ERCC8: variants seen among roughly 807,000 people sequenced by gnomAD.
The protein encoded by ERCC8 is ERCC excision repair 8, CSA ubiquitin ligase complex subunit, also known as DNA excision repair protein ERCC-8.
ERCC8 carries 52 observed loss-of-function variants against 54.9 expected under a neutral mutation model. That is an observed-to-expected ratio of 0.95 (90% CI 0.76 to 1.19). ERCC8 has a LOEUF of 1.19. Ranked by LOEUF, ERCC8 falls within the 50% of genes most tolerant of loss-of-function variation. The probability of loss-of-function intolerance (pLI) is 0.00; values close to 1 mark genes in which losing one functional copy is unlikely to be tolerated. For missense variants in ERCC8, 514 were observed against 466.1 expected (o/e 1.10, Z -0.95); for synonymous variants, 146 against 157.2 (o/e 0.93, Z 0.53).
intron 3 of ERCC8, among the ~76,000 whole-genome samples, chr5:60,921,538 T>C (rs979757339): frequency 5.3e-5 from 8 of 152,132 alleles, no homozygotes; most frequent in Middle Eastern, 3.4e-3. Context: ...ATTACAGATG[T>C]ATGTTTTTAA....
In ERCC8 at chr5:60,928,892, G is replaced by A; in HGVS notation, c.145C>T (p.Leu49Phe). Residue 49 changes from leucine (L) to phenylalanine (F), a missense_variant, in exon 2 of 12, where the codon CTT (leucine) becomes TTT (phenylalanine). Physicochemically the swap from Leu to Phe is conservative, Grantham distance 22. Coordinates refer to ENST00000676185, the MANE Select transcript of ERCC8 (RefSeq NM_000082.4). ...CTCCCTTCAACAGGTTCAATGTCAA[G>A]GGTGTTAATTCCACCGCCGTGGATT... ...ERIHGGGINT[L>F]DIEPVEGRYM... 1 of 1,604,628 alleles carries A rather than the reference G, an allele frequency of 6.2e-7. No individual in the cohort carries two copies. Among genetic ancestry groups the A allele is most frequent in the South Asian group, 1.1e-5 (1 of 90,620 alleles).
At chr5:60,930,228 G>A (rs1335482532) in intron 1 of ERCC8, among the ~76,000 whole-genome samples, 1 of 152,050 alleles carries the variant, frequency 6.6e-6, no homozygotes, top group South Asian at 2.1e-4. Flanking sequence ...TGAGGAGTTC[G>A]AGACCAGCCT....
chr5:60,882,633 A>T (rs1748270446), intron 11 of ERCC8, among the ~76,000 whole-genome samples: 1 of 151,456 alleles, frequency 6.6e-6, no homozygotes, highest in Non-Finnish European at 1.5e-5. Flanking sequence ...GTGATCTGCC[A>T]GCCTTGGCCT....
intron 9 of ERCC8, chr5:60,893,194 C>T (rs534688334): frequency 3.1e-6 from 3 of 973,882 alleles, no homozygotes; most frequent in South Asian, 2.6e-5. Context: ...TCCAGAATCA[C>T]ATCAGAGTAT....
chr5:60,921,169 A>C (rs1305727325), intron 3 of ERCC8, among the ~76,000 whole-genome samples: 2 of 151,988 alleles, frequency 1.3e-5, no homozygotes, highest in African/African-American at 2.4e-5. Context: ...AATAATGTGA[A>C]GCTGAGATTA....
intron 9 of ERCC8, chr5:60,892,257 T>C: frequency 1.8e-6 from 1 of 552,408 alleles, no homozygotes; most frequent in Admixed American, 1.9e-5. Flanking sequence ...TTATCTTCAA[T>C]GGCATCTGCT....
intron 11 of ERCC8, among the ~76,000 whole-genome samples, chr5:60,884,579 C>A (rs1449229701): frequency 7.4e-6 from 1 of 135,030 alleles, no homozygotes; most frequent in Non-Finnish European, 1.6e-5. Context: ...AAATAAATAT[C>A]AAATAAATAT....
chr5:60,890,946 A>C lies in ERCC8; in HGVS notation c.984T>G (p.Thr328=), dbSNP rs1350620332. 1 of 1,613,674 alleles carries C rather than the reference A, an allele frequency of 6.2e-7. No homozygotes were observed. The highest frequency in any genetic ancestry group is 1.7e-5 in the Admixed American group (1 of 60,022). ...CAGTTTTATAATGTCCCTTAAGCAT[A>C]GTTATCTGTTCTCCTGAGTAAACTG... ...VYTVYSGEQI[T]MLKGHYKTVD... The change falls in exon 10 of 12, where the codon ACT becomes ACG. Residue 328 remains threonine (T), a synonymous_variant. Coordinates refer to ENST00000676185, the MANE Select transcript of ERCC8 (RefSeq NM_000082.4).
chr5:60,892,959 A>G, intron 9 of ERCC8: 1 of 762,698 alleles, frequency 1.3e-6, no homozygotes, highest in Non-Finnish European at 2.5e-6. Context: ...CAGAACCCTC[A>G]TGAGGTTTTC....
chr5:60,886,056 A>G (rs1240723913), intron 11 of ERCC8, among the ~76,000 whole-genome samples: 4 of 149,152 alleles, frequency 2.7e-5, no homozygotes, highest in Admixed American at 6.7e-5. Context: ...AACTATATGT[A>G]TATATATATG....
intron 7 of ERCC8, chr5:60,900,537 A>T (rs913116879): frequency 6.6e-6 from 1 of 151,906 alleles, no homozygotes; most frequent in African/African-American, 2.4e-5. Flanking sequence ...TTTTTATTTA[A>T]TTTTTTTAAA....
chr5:60,879,013 T>C (rs1176466872), intron 11 of ERCC8, among the ~76,000 whole-genome samples: 1 of 152,230 alleles, frequency 6.6e-6, no homozygotes, highest in African/African-American at 2.4e-5. Context: ...TTTAGTGCTA[T>C]AAATTGCCCT....
intron 1 of ERCC8, among the ~76,000 whole-genome samples, chr5:60,942,635 TAAAGCAGAG>T (rs1175304230): frequency 6.6e-6 from 1 of 152,036 alleles, no homozygotes; most frequent in Non-Finnish European, 1.5e-5. Flanking sequence ...AGGAAGAGGG[TAAAGCAGAG>T]AAAGAAGGGA....
chr5:60,873,607 G>A lies in ERCC8; in HGVS notation c.*1008C>T, dbSNP rs565841440. Among the ~76,000 whole-genome samples the A allele has an allele frequency of 9.9e-5, 15 of 152,244 alleles. No individual in the cohort carries two copies. In the South Asian group the frequency reaches 2.9e-3, roughly 29 times the overall value. The stretch of plus-strand genomic sequence containing the variant: ...CAGGAGAATTGCTTGAACCTGGGAG[G>A]TGAAGGTTGCAGTGAGCTGAGATCA... On this transcript the variant is annotated 3_prime_UTR_variant, in exon 12 of 12. Coordinates refer to ENST00000676185, the MANE Select transcript of ERCC8 (RefSeq NM_000082.4).
chr5:60,899,680 C>T lies in ERCC8; in HGVS notation c.665G>A (p.Cys222Tyr), dbSNP rs1748817535. 1 of 1,612,402 alleles carries T rather than the reference C, an allele frequency of 6.2e-7. No homozygotes were observed. The highest frequency in any genetic ancestry group is 8.5e-7 in the Non-Finnish European group (1 of 1,178,956). Residue 222 changes from cysteine to tyrosine, a missense_variant, in exon 8 of 12, where the codon TGT becomes TAT. Transcript: ENST00000676185. ...KLWDVRRASG[C>Y]LITLDQHNGK... is the part of the protein sequence containing the mutation. ...ATTATGTTGATCAAGAGTAATCAAA[C>T]ATCCTGATGCTCTTCTCACATCCCA...
At chr5:60,900,208 A>T (rs1474089501) in intron 7 of ERCC8, among the ~76,000 whole-genome samples, 1 of 152,040 alleles carries the variant, frequency 6.6e-6, no homozygotes, top group East Asian at 1.9e-4. Flanking sequence ...TAATGAGGAC[A>T]ATGCATTTCC....
intron 1 of ERCC8, among the ~76,000 whole-genome samples, chr5:60,938,048 C>CATAT (rs1170248858): frequency 0.024 from 555 of 23,120 alleles, 5 homozygotes; most frequent in East Asian, 0.065. Context: ...TACATACATA[C>CATAT]ATATATATAT....
intron 1 of ERCC8, among the ~76,000 whole-genome samples, chr5:60,938,048 C>CATATATAT (rs1170248858): frequency 2.5e-3 from 58 of 23,346 alleles, no homozygotes; most frequent in East Asian, 0.019. Flanking sequence ...TACATACATA[C>CATATATAT]ATATATATAT....
At chr5:60,923,787 A>G (rs1413507546) in intron 2 of ERCC8, among the ~76,000 whole-genome samples, 2 of 152,114 alleles carry the variant, frequency 1.3e-5, no homozygotes, top group Non-Finnish European at 1.5e-5. Flanking sequence ...TATCCCAATT[A>G]CAAATATACA....
Sources: gnomAD v4.1 joint callset for allele counts (sites outside exome capture counted in the v4.1 genomes callset) on GRCh38, gnomAD v4.1.1 for gene constraint, MANE v1.5 for transcripts, NCBI Gene and HGNC (gene_info 2026-07-23, HGNC 2026-07-21) for gene names.